The following WDR7 variants were observed in gnomAD, a reference collection of about 807,000 sequenced individuals.
WDR7 encodes the protein WD repeat domain 7, also known as WD repeat-containing protein 7.
WDR7 carries 46 observed loss-of-function variants against 169.4 expected under a neutral mutation model. The observed-to-expected ratio is 0.27, with a 90% CI of 0.21 to 0.35. The LOEUF (loss-of-function observed/expected upper bound fraction) is 0.35, where lower values mean the gene tolerates loss of function less well. WDR7 is among the 10% of genes least tolerant of loss of function. The pLI is 1.00. For synonymous variants in WDR7, 612 were observed against 666.8 expected (o/e 0.92, Z 1.27); for missense variants, 1,534 against 1,859.3 (o/e 0.83, Z 3.22).
chr18:56,911,899 A>G (rs1348249681), intron 21 of WDR7, among the ~76,000 whole-genome samples: 1 of 152,154 alleles, frequency 6.6e-6, no homozygotes, highest in Non-Finnish European at 1.5e-5. Flanking sequence ...GGAGAATGTC[A>G]TTGTTTGGGT....
rs146271189 is a variant in WDR7 at position 56,883,796 on chromosome 18, A to G, written c.3526+3631A>G. Among the ~76,000 whole-genome samples the G allele has an allele frequency of 4.5e-3, 681 of 152,342 alleles. 5 individuals are homozygous for G. The highest frequency in any genetic ancestry group is 0.034 in the Middle Eastern group (10 of 294). On this transcript the variant is annotated intron_variant, in intron 21 of 27. Coordinates refer to ENST00000254442, the MANE Select transcript of WDR7 (RefSeq NM_015285.3). The stretch of plus-strand genomic sequence containing the variant: ...CTATTCCTGAGTTACTTCACTTAGA[A>G]TAATGGTCTCCAGTTCCATCCAGAT...
Position 56,779,419 on chromosome 18 carries a change from C to T in WDR7, c.2948-12C>T. 1 of 1,585,160 alleles carries T rather than the reference C, an allele frequency of 6.3e-7. No individual in the cohort carries two copies. Among genetic ancestry groups the T allele is most frequent in the Non-Finnish European group, 8.6e-7 (1 of 1,165,052 alleles). On this transcript the variant is annotated splice_polypyrimidine_tract_variant and intron_variant, in intron 17 of 27. Transcript: ENST00000254442. ...TGGTTAAAGAATTTGTAATATATTACATTTTTGACAGGTTGGAGTCAGTTA... is the reference window on the plus strand; with the variant it reads ...TGGTTAAAGAATTTGTAATATATTATATTTTTGACAGGTTGGAGTCAGTTA...
intron 20 of WDR7, among the ~76,000 whole-genome samples, chr18:56,865,168 G>A (rs976791570): frequency 1.3e-5 from 2 of 152,132 alleles, no homozygotes; most frequent in Non-Finnish European, 1.5e-5. Context: ...TGTTGTAGTG[G>A]ATGCTGAACA....
At position 57,027,326 on chromosome 18, in the gene WDR7, T is replaced by A; in HGVS notation, c.*119T>A. On this transcript the variant is annotated 3_prime_UTR_variant, in exon 28 of 28. Transcript: ENST00000254442. Reference sequence around the variant, plus strand: ...GCCTGCCCACCCCAGTGCCATCCAGTGGCACGGCCGGGTCTTGTCACTTGT... The same window carrying A: ...GCCTGCCCACCCCAGTGCCATCCAGAGGCACGGCCGGGTCTTGTCACTTGT... 8.4e-7 allele frequency: 1 copy of A among 1,188,454 alleles called. No individual in the cohort carries two copies. Among genetic ancestry groups the A allele is most frequent in the Non-Finnish European group, 1.2e-6 (1 of 857,674 alleles). 73.6% of individuals were successfully genotyped at this position (1,188,454 alleles called of 1,614,324 possible). A position where few individuals can be genotyped will look rare whatever the true frequency, so the allele number is the denominator to read the frequency against.
chr18:56,831,083 GAGTCCCTGT>G (rs1340314969), intron 20 of WDR7, among the ~76,000 whole-genome samples: 2 of 152,186 alleles, frequency 1.3e-5, no homozygotes, highest in Non-Finnish European at 2.9e-5. Flanking sequence ...CAGCCTGGGA[GAGTCCCTGT>G]AGGAGTTCAT....
intron 25 of WDR7, among the ~76,000 whole-genome samples, chr18:56,948,985 C>G (rs1445622317): frequency 6.6e-6 from 1 of 151,994 alleles, no homozygotes; most frequent in Non-Finnish European, 1.5e-5. Flanking sequence ...TTGTAAAAAC[C>G]CTTCCTTCTC....
chr18:56,819,272 G>A (rs983097437), intron 20 of WDR7, among the ~76,000 whole-genome samples: 9 of 152,112 alleles, frequency 5.9e-5, no homozygotes, highest in South Asian at 4.1e-4. Context: ...TATTTGAAGC[G>A]AAGAATCTTA....
intron 13 of WDR7, among the ~76,000 whole-genome samples, chr18:56,725,202 A>G (rs1158183384): frequency 1.3e-5 from 2 of 150,656 alleles, no homozygotes; most frequent in Admixed American, 1.3e-4. Context: ...TGGTATTTCT[A>G]GTTCTAGATC....
intron 20 of WDR7, among the ~76,000 whole-genome samples, chr18:56,862,847 A>G (rs2045827456): frequency 6.6e-6 from 1 of 151,970 alleles, no homozygotes; most frequent in South Asian, 2.1e-4. Flanking sequence ...CTGCCTTCCA[A>G]TTGATTTCCA....
At chr18:56,958,699 A>G (rs1224718019) in intron 25 of WDR7, among the ~76,000 whole-genome samples, 1 of 152,148 alleles carries the variant, frequency 6.6e-6, no homozygotes, top group Admixed American at 6.6e-5. Context: ...CACTGAAAAT[A>G]CATTTCTAGA....
chr18:56,693,576 T>G (rs1010474847), intron 9 of WDR7, among the ~76,000 whole-genome samples: 1 of 139,284 alleles, frequency 7.2e-6, no homozygotes, highest in African/African-American at 2.6e-5. Flanking sequence ...TTTTTTTGTT[T>G]TTTTTTTTTT....
intron 21 of WDR7, among the ~76,000 whole-genome samples, chr18:56,885,794 T>G (rs1369433636): frequency 6.9e-6 from 1 of 144,652 alleles, no homozygotes; most frequent in Non-Finnish European, 1.5e-5. Flanking sequence ...GCCACTGCAC[T>G]CCAGCCTAGG....
At chr18:56,682,640 A>G in intron 4 of WDR7, 39 bp from the exon 5 acceptor site, 1 of 1,591,500 alleles carries the variant, frequency 6.3e-7, no homozygotes, top group Non-Finnish European at 8.6e-7. Flanking sequence ...ATTAAAGGAG[A>G]ACACTCAGAA....
At chr18:56,710,132 T>C (rs182886162) in intron 12 of WDR7, among the ~76,000 whole-genome samples, 126 of 151,216 alleles carry the variant, frequency 8.3e-4, no homozygotes, top group African/African-American at 3.1e-3. Context: ...GCCTCCCGAG[T>C]AGCTGGGACT....
At chr18:56,894,052 T>C (rs1039734727) in intron 21 of WDR7, among the ~76,000 whole-genome samples, 1 of 152,106 alleles carries the variant, frequency 6.6e-6, no homozygotes. Context: ...CCCTAATTCC[T>C]CTTTTTCTCT....
At chr18:56,723,141 C>T (rs1265363567) in intron 13 of WDR7, among the ~76,000 whole-genome samples, 1 of 151,944 alleles carries the variant, frequency 6.6e-6, no homozygotes, top group Non-Finnish European at 1.5e-5. Context: ...CCCAATTCTT[C>T]TTGCTAGTGT....
At chr18:56,823,351 G>T (rs1029984748) in intron 20 of WDR7, among the ~76,000 whole-genome samples, 11 of 152,198 alleles carry the variant, frequency 7.2e-5, no homozygotes, top group African/African-American at 2.7e-4. Flanking sequence ...GCCGAGGCCT[G>T]CGGATCATCT....
intron 12 of WDR7, among the ~76,000 whole-genome samples, chr18:56,702,150 G>T (rs368720942): frequency 6.6e-6 from 1 of 152,164 alleles, no homozygotes; most frequent in South Asian, 2.1e-4. Context: ...GAGTGCTGCG[G>T]CAGGAAACTT....
At chr18:56,862,837 C>T (rs188380728) in intron 20 of WDR7, among the ~76,000 whole-genome samples, 5 of 151,802 alleles carry the variant, frequency 3.3e-5, no homozygotes, top group Admixed American at 3.3e-4. Flanking sequence ...CTAATTTTAC[C>T]TGCCTTCCAA....
Sources: allele counts gnomAD v4.1 joint callset (sites outside exome capture counted in the v4.1 genomes callset), GRCh38; gene constraint gnomAD v4.1.1; transcripts MANE v1.5; gene names NCBI Gene and HGNC (gene_info 2026-07-23, HGNC 2026-07-21).